Variants in COP1 observed in about 807,000 individuals in gnomAD.
COP1 encodes the protein E3 ubiquitin-protein ligase COP1.
Under a neutral mutation model 101.3 loss-of-function variants are expected in COP1, and 24 were observed. That is an observed-to-expected ratio of 0.24 (90% CI 0.17 to 0.33). The LOEUF (loss-of-function observed/expected upper bound fraction) is 0.33. Ranked by LOEUF, COP1 falls within the 10% of genes least tolerant of loss-of-function variation. COP1 has a pLI of 1.00. For missense variants in COP1, 663 were observed against 906.2 expected, an observed-to-expected ratio of 0.73 and a Z score of 3.45; for synonymous variants, 347 against 341.9, an observed-to-expected ratio of 1.01 and a Z score of -0.17.
At chr1:176,118,244 T>C (rs1002040797) in intron 8 of COP1, among the ~76,000 whole-genome samples, 2 of 152,216 alleles carry the variant, frequency 1.3e-5, no homozygotes, top group African/African-American at 4.8e-5. Flanking sequence ...TGCCAAAATA[T>C]GGTAAACATT....
intron 15 of COP1, among the ~76,000 whole-genome samples, chr1:176,005,100 A>T (rs1468843771): frequency 6.6e-6 from 1 of 152,078 alleles, no homozygotes; most frequent in East Asian, 1.9e-4. Context: ...TGTGTCGAGG[A>T]ATTTATCCTT....
chr1:176,203,323 C>G (rs1466708457), intron 1 of COP1, among the ~76,000 whole-genome samples: 1 of 151,754 alleles, frequency 6.6e-6, no homozygotes, highest in East Asian at 1.9e-4. Flanking sequence ...GGCAGCAGAG[C>G]GAGACTCCGT....
chr1:175,960,570 C>T (rs1024052625), intron 18 of COP1, among the ~76,000 whole-genome samples: 2 of 152,026 alleles, frequency 1.3e-5, no homozygotes, highest in Non-Finnish European at 2.9e-5. Context: ...GAAAGAGAAG[C>T]AAGTCAAAAT....
At chr1:176,088,983 A>T (rs1037345210) in intron 9 of COP1, among the ~76,000 whole-genome samples, 2 of 133,462 alleles carry the variant, frequency 1.5e-5, no homozygotes, top group African/African-American at 5.4e-5. Flanking sequence ...CAACAAGAGC[A>T]AAACTCAGTC....
intron 15 of COP1, among the ~76,000 whole-genome samples, chr1:175,996,365 C>T (rs1350041715): frequency 6.6e-6 from 1 of 152,212 alleles, no homozygotes; most frequent in Non-Finnish European, 1.5e-5. Flanking sequence ...TCTCACCACT[C>T]CTCTTCAACA....
rs780623288 is a variant in COP1, at chr1:176,027,706, T to A, written c.1613-18A>T. On this transcript the variant is annotated intron_variant, in intron 14 of 19. Coordinates refer to ENST00000367669, the MANE Select transcript of COP1 (RefSeq NM_022457.7). ...CAGCTTCACTAAGGGCAAAGGACAA[T>A]AAAAACAAAAAGAGAAACAAGTAAT... 1.4e-6 allele frequency: 2 copies of A among 1,465,926 alleles called. No individual in the cohort carries two copies. Among genetic ancestry groups the A allele is most frequent in the African/African-American group, 1.4e-5 (1 of 71,776 alleles). The allele number at this position is 1,465,926 out of a possible 1,614,324, so 90.8% of individuals were successfully genotyped here.
chr1:175,976,270 C>CTTTTTTTTTTTTTTTTTTTT lies in COP1; in HGVS notation c.2133+10653_2133+10672dup, dbSNP rs10694480. On this transcript the variant is annotated intron_variant, in intron 18 of 19. Coordinates refer to ENST00000367669, the MANE Select transcript of COP1 (RefSeq NM_022457.7). Reference sequence around the variant, plus strand: ...TAAGTCTCTATATCAATTAGTCATTCTTTTTTTTTTTTTTTTTTTTTTTTT... The same window carrying CTTTTTTTTTTTTTTTTTTTT: ...TAAGTCTCTATATCAATTAGTCATTCTTTTTTTTTTTTTTTTTTTTTTTTTTTTTTTTTTTTTTTTTTTTT... Among the ~76,000 whole-genome samples, 6 of 56,834 alleles carry CTTTTTTTTTTTTTTTTTTTT rather than the reference C, an allele frequency of 1.1e-4. 1 individual carries two copies. Among genetic ancestry groups the CTTTTTTTTTTTTTTTTTTTT allele is most frequent in the East Asian group, 5.9e-4 (1 of 1,688 alleles). The allele number at this position is 56,834 out of a possible 152,430, so 37.3% of individuals were successfully genotyped here. A position where few individuals can be genotyped will look rare whatever the true frequency, so the allele number is the denominator to read the frequency against.
At chr1:176,148,055 G>A (rs1558203883) in intron 6 of COP1, among the ~76,000 whole-genome samples, 1 of 151,630 alleles carries the variant, frequency 6.6e-6, no homozygotes, top group Non-Finnish European at 1.5e-5. Context: ...ATGAATGACT[G>A]GACATCTTCT....
At chr1:175,971,382 T>A (rs1252912008) in intron 18 of COP1, among the ~76,000 whole-genome samples, 1 of 152,184 alleles carries the variant, frequency 6.6e-6, no homozygotes, top group Non-Finnish European at 1.5e-5. Context: ...TTTAGCAAAT[T>A]CTTATTAAGC....
chr1:176,097,577 T>C (rs1159028012), intron 9 of COP1, among the ~76,000 whole-genome samples: 3 of 152,128 alleles, frequency 2.0e-5, no homozygotes, highest in Non-Finnish European at 4.4e-5. Context: ...TAGAGCTTTT[T>C]TTATAGACTG....
chr1:176,157,366 T>G (rs1052532716), intron 5 of COP1, among the ~76,000 whole-genome samples: 1 of 152,156 alleles, frequency 6.6e-6, no homozygotes, highest in Non-Finnish European at 1.5e-5. Context: ...ACTAAACACA[T>G]GCAAATTGAG....
chr1:176,050,865 C>T (rs968144054), intron 11 of COP1, among the ~76,000 whole-genome samples: 9 of 152,168 alleles, frequency 5.9e-5, no homozygotes, highest in Non-Finnish European at 1.3e-4. Context: ...CAAATTTAAG[C>T]AACTGGTTCC....
rs145054797 is a variant in COP1 at position 176,191,665 on chromosome 1, C to A, written c.408-6973G>T. On this transcript the variant is annotated intron_variant, in intron 1 of 19. Coordinates refer to ENST00000367669, the MANE Select transcript of COP1 (RefSeq NM_022457.7). ...ACTAGATCCTCTGAACCAATCTTCA[C>A]AGGCAGCAGTTAAGTTCCAGTCTAT... Among the ~76,000 whole-genome samples the A allele has an allele frequency of 5.1e-3, 780 of 152,136 alleles. 6 individuals carry two copies. The highest frequency in any genetic ancestry group is 0.01 in the Middle Eastern group (3 of 294).
At position 175,972,381 on chromosome 1, in the gene COP1, G is replaced by A. The variant is rs189231400; in HGVS notation, c.2133+14562C>T. On this transcript the variant is annotated intron_variant, in intron 18 of 19. Coordinates refer to ENST00000367669, the MANE Select transcript of COP1 (RefSeq NM_022457.7). ...GTCAGGTGGCTAGTGAGAGGGAAGT[G>A]AGGAGGAAAGAATTTACCGAATACC... Among the ~76,000 whole-genome samples, 44 of 152,170 alleles carry A rather than the reference G, an allele frequency of 2.9e-4. 1 individual carries two copies. Among genetic ancestry groups the A allele is most frequent in the Admixed American group, 2.6e-3 (39 of 15,284 alleles).
At chr1:176,139,286 A>AC (rs1690283580) in intron 6 of COP1, among the ~76,000 whole-genome samples, 1 of 118,648 alleles carries the variant, frequency 8.4e-6, no homozygotes, top group African/African-American at 3.2e-5. Context: ...AAACAAAAAA[A>AC]ACAAAAAAAA....
rs1692012743 is a variant in COP1, at chr1:176,149,054, T to C, written c.783A>G (p.Leu261=). 6.3e-7 allele frequency: 1 copy of C among 1,587,710 alleles called. No individual in the cohort carries two copies. Among genetic ancestry groups the C allele is most frequent in the African/African-American group, 1.3e-5 (1 of 74,398 alleles). ...QLEAESHAAQ[L]QILMEFLKVA... ...CCTTGAGGAATTCCATAAGAATCTG[T>C]AGTTGGGCTGCATGTGATTCCTACA... Residue 261 remains leucine, a synonymous_variant, in exon 6 of 20, where the codon CTA becomes CTG. Transcript: ENST00000367669.
intron 4 of COP1, 81 bp from the exon 5 acceptor site, chr1:176,163,069 T>G: frequency 1.4e-6 from 2 of 1,383,794 alleles, no homozygotes; most frequent in Non-Finnish European, 2.0e-6. Flanking sequence ...ACTTGCTACT[T>G]CCTAATATGC....
intron 5 of COP1, among the ~76,000 whole-genome samples, chr1:176,161,705 TC>T (rs1175785126): frequency 1.3e-5 from 2 of 152,204 alleles, no homozygotes; most frequent in African/African-American, 4.8e-5. Context: ...CTCTAGCTTG[TC>T]CACAGACCTT....
chr1:176,111,727 T>G (rs78475696), intron 9 of COP1, among the ~76,000 whole-genome samples: 1 of 152,206 alleles, frequency 6.6e-6, no homozygotes, highest in Non-Finnish European at 1.5e-5. Context: ...TACTTTTGGG[T>G]TTTTTTCAGT....
Sources: allele counts gnomAD v4.1 joint callset (sites outside exome capture counted in the v4.1 genomes callset), GRCh38; gene constraint gnomAD v4.1.1; transcripts MANE v1.5; gene names NCBI Gene and HGNC (gene_info 2026-07-23, HGNC 2026-07-21).